Variants in SEMA6A observed in about 807,000 individuals in gnomAD.
SEMA6A encodes semaphorin-6A.
A neutral mutation model predicts 96.8 loss-of-function variants in SEMA6A; 25 were observed. The observed-to-expected ratio is 0.26, with a 90% confidence interval of 0.19 to 0.36. The LOEUF is 0.36. Among genes scored for constraint, SEMA6A ranks in the 10% least tolerant of loss-of-function variants. SEMA6A has a pLI of 1.00. For missense variants in SEMA6A, 1,363 were observed against 1,323.1 expected (o/e 1.03, Z -0.47); for synonymous variants, 612 against 518.0 (o/e 1.18, Z -2.46).
intron 1 of SEMA6A, among the ~76,000 whole-genome samples, chr5:116,514,859 C>A (rs1222165131): frequency 6.6e-6 from 1 of 152,222 alleles, no homozygotes; most frequent in Non-Finnish European, 1.5e-5. Flanking sequence ...CCTTGCATCA[C>A]CCCCAGGACC....
At chr5:116,504,419 C>CA (rs1417000731) in intron 2 of SEMA6A, among the ~76,000 whole-genome samples, 1 of 151,712 alleles carries the variant, frequency 6.6e-6, no homozygotes, top group Non-Finnish European at 1.5e-5. Flanking sequence ...CTTCTAAGTC[C>CA]AAAAAAAATT....
In SEMA6A at chr5:116,473,055, G is replaced by A; in HGVS notation, c.1729+18C>T. On this transcript the variant is annotated intron_variant, in intron 17 of 18. Coordinates refer to ENST00000343348, the MANE Select transcript of SEMA6A (RefSeq NM_020796.5). ...GGTTTCCACCAGTATGGAATTATGA[G>A]AGTAATATCTTCCTTACCATTCAGT... The A allele has an allele frequency of 6.3e-7, 1 of 1,587,978 alleles. No individual in the cohort carries two copies. Among genetic ancestry groups the A allele is most frequent in the South Asian group, 1.2e-5 (1 of 86,884 alleles).
At chr5:116,555,427 C>T (rs1330153286) in intron 1 of SEMA6A, among the ~76,000 whole-genome samples, 2 of 152,124 alleles carry the variant, frequency 1.3e-5, no homozygotes, top group African/African-American at 4.8e-5. Flanking sequence ...GTGTTTAAAC[C>T]CCATGACTCA....
At chr5:116,536,216 T>A (rs761012533) in intron 1 of SEMA6A, 1 of 152,162 alleles carries the variant, frequency 6.6e-6, no homozygotes, top group Non-Finnish European at 1.5e-5. Flanking sequence ...CCTGTTGGAA[T>A]TGGATTAGCC....
intron 9 of SEMA6A, among the ~76,000 whole-genome samples, chr5:116,487,880 T>C (rs955105441): frequency 6.6e-6 from 1 of 151,980 alleles, no homozygotes; most frequent in Non-Finnish European, 1.5e-5. Context: ...AAAAAAAAGA[T>C]ACTTGAATCT....
intron 1 of SEMA6A, among the ~76,000 whole-genome samples, chr5:116,553,031 A>G (rs1161300706): frequency 6.6e-6 from 1 of 152,208 alleles, no homozygotes; most frequent in Non-Finnish European, 1.5e-5. Flanking sequence ...ACCAAAGGAC[A>G]CTTCTCCATT....
At chr5:116,520,765 G>A (rs7732051) in intron 1 of SEMA6A, among the ~76,000 whole-genome samples, 18,967 of 152,140 alleles carry the variant, frequency 0.12, 1,561 homozygotes, top group African/African-American at 0.23. Flanking sequence ...GAATTTAGAC[G>A]CAGGATGCAG....
intron 1 of SEMA6A, among the ~76,000 whole-genome samples, chr5:116,562,284 C>A (rs1471941557): frequency 6.6e-6 from 1 of 152,084 alleles, no homozygotes; most frequent in Non-Finnish European, 1.5e-5. Context: ...AATTCATAAG[C>A]ATAATTACAC....
intron 18 of SEMA6A, among the ~76,000 whole-genome samples, chr5:116,451,116 C>T (rs1382142764): frequency 6.6e-6 from 1 of 152,178 alleles, no homozygotes; most frequent in Admixed American, 6.5e-5. Context: ...CTTAACATCT[C>T]TGGGCCTCAG....
At chr5:116,459,790 A>T (rs1755259276) in intron 18 of SEMA6A, among the ~76,000 whole-genome samples, 1 of 152,082 alleles carries the variant, frequency 6.6e-6, no homozygotes, top group Non-Finnish European at 1.5e-5. Context: ...CAGCATTTAG[A>T]TCACCTTTGG....
chr5:116,563,999 T>C (rs898988569), intron 1 of SEMA6A, among the ~76,000 whole-genome samples: 4 of 56,490 alleles, frequency 7.1e-5, no homozygotes, highest in Non-Finnish European at 2.8e-4. Context: ...ACACTTAAAG[T>C]GTTTCTCCAC....
At chr5:116,466,959 C>G (rs1755795815) in intron 18 of SEMA6A, among the ~76,000 whole-genome samples, 1 of 152,166 alleles carries the variant, frequency 6.6e-6, no homozygotes, top group African/African-American at 2.4e-5. Flanking sequence ...TAGGACAGTT[C>G]ACAGTAGAGT....
intron 3 of SEMA6A, among the ~76,000 whole-genome samples, chr5:116,500,301 C>A (rs1046077518): frequency 1.3e-5 from 2 of 152,176 alleles, no homozygotes; most frequent in Non-Finnish European, 2.9e-5. Context: ...TAGAGCGAGA[C>A]CATCCTGGTT....
At chr5:116,507,625 G>C (rs1275728663) in intron 1 of SEMA6A, among the ~76,000 whole-genome samples, 1 of 152,160 alleles carries the variant, frequency 6.6e-6, no homozygotes, top group African/African-American at 2.4e-5. Context: ...ATATTTATAG[G>C]TATCTGCAAA....
chr5:116,453,342 T>C (rs1275750644), intron 18 of SEMA6A, among the ~76,000 whole-genome samples: 2 of 152,198 alleles, frequency 1.3e-5, no homozygotes, highest in East Asian at 3.9e-4. Flanking sequence ...AGTTAAGTTC[T>C]TCCTTCTAAA....
intron 10 of SEMA6A, among the ~76,000 whole-genome samples, chr5:116,485,520 G>A (rs1043086993): frequency 2.6e-5 from 4 of 152,066 alleles, no homozygotes; most frequent in Admixed American, 6.6e-5. Context: ...GGTGCAATAC[G>A]GGTTCGTATT....
At chr5:116,488,647 T>C (rs915279324) in intron 8 of SEMA6A, among the ~76,000 whole-genome samples, 1 of 152,206 alleles carries the variant, frequency 6.6e-6, no homozygotes, top group Non-Finnish European at 1.5e-5. Context: ...CAAGAAAACA[T>C]GAATGTAATG....
chr5:116,517,054 T>G (rs1459489377), intron 1 of SEMA6A, among the ~76,000 whole-genome samples: 1 of 152,188 alleles, frequency 6.6e-6, no homozygotes, highest in Non-Finnish European at 1.5e-5. Context: ...AGGTACACAA[T>G]TTCTTATCTG....
chr5:116,498,067 G>A (rs539541304), intron 3 of SEMA6A, among the ~76,000 whole-genome samples: 25 of 152,184 alleles, frequency 1.6e-4, no homozygotes, highest in Non-Finnish European at 3.4e-4. Context: ...CTTGGAAGGG[G>A]AGAAAGAGAA....
Sources: allele counts gnomAD v4.1 joint callset (sites outside exome capture counted in the v4.1 genomes callset), GRCh38; gene constraint gnomAD v4.1.1; transcripts MANE v1.5; gene names NCBI Gene and HGNC (gene_info 2026-07-23, HGNC 2026-07-21).